Variants in OSMR observed in about 807,000 individuals in gnomAD.
OSMR encodes the protein oncostatin M receptor.
In OSMR, 81 loss-of-function variants were observed where a neutral mutation model predicts 99.9. The observed-to-expected ratio is 0.81, with a 90% CI of 0.68 to 0.97. The LOEUF is 0.97. OSMR is among the 50% of genes least tolerant of loss of function. The probability of loss-of-function intolerance (pLI) is 0.00; values close to 1 mark genes in which losing one functional copy is unlikely to be tolerated. For missense variants in OSMR, 1,099 were observed against 1,153.4 expected (o/e 0.95, Z 0.68); for synonymous variants, 406 against 410.4 (o/e 0.99, Z 0.13).
intron 2 of OSMR, among the ~76,000 whole-genome samples, chr5:38,875,874 C>A (rs967509622): frequency 6.6e-6 from 1 of 152,110 alleles, no homozygotes; most frequent in Non-Finnish European, 1.5e-5. Flanking sequence ...AAAAAGTCTT[C>A]TTTCTTTTTT....
intron 1 of OSMR, chr5:38,941,883 A>G (rs1747608403): frequency 8.6e-6 from 2 of 233,884 alleles, no homozygotes; most frequent in Admixed American, 5.6e-5. Flanking sequence ...GCTTTCCACA[A>G]GTTAGTTAAC....
At chr5:38,921,823 T>G (rs1330081269) in intron 12 of OSMR, 29 bp downstream of exon 12, 1 of 1,556,920 alleles carries the variant, frequency 6.4e-7, no homozygotes, top group Non-Finnish European at 8.9e-7. Flanking sequence ...ATCATCGCAT[T>G]GCTATATTCA....
intron 7 of OSMR, among the ~76,000 whole-genome samples, chr5:38,888,980 A>G (rs1743977065): frequency 6.6e-6 from 1 of 152,064 alleles, no homozygotes; most frequent in African/African-American, 2.4e-5. Flanking sequence ...GAGTATCGTG[A>G]ATTTTATTGT....
chr5:38,889,683 A>G (rs1359099622), intron 7 of OSMR, among the ~76,000 whole-genome samples: 3 of 152,148 alleles, frequency 2.0e-5, no homozygotes, highest in Non-Finnish European at 2.9e-5. Context: ...TATTATCTAT[A>G]TGTGCCTTTG....
chr5:38,880,036 T>A lies in OSMR; in HGVS notation c.247-1557T>A, dbSNP rs545875054. Among the ~76,000 whole-genome samples, 159 of 151,992 alleles carry A rather than the reference T, an allele frequency of 1.0e-3. 3 individuals carry two copies. Among genetic ancestry groups the A allele is most frequent in the African/African-American group, 3.7e-3 (154 of 41,428 alleles). On this transcript the variant is annotated intron_variant, in intron 3 of 17. Transcript: ENST00000274276. ...TCTAGGAGTAAAGTAATGCAAGAAA[T>A]GGAAATAAAATATAAACATTTAAAA...
At chr5:38,917,656 T>G in intron 10 of OSMR, 34 bp downstream of exon 10, 1 of 1,553,784 alleles carries the variant, frequency 6.4e-7, no homozygotes, top group Non-Finnish European at 8.9e-7. Context: ...TCTGATTGTT[T>G]CCAAAAGTCA....
At chr5:38,867,808 A>G (rs1297789588) in intron 1 of OSMR, among the ~76,000 whole-genome samples, 1 of 152,172 alleles carries the variant, frequency 6.6e-6, no homozygotes, top group Non-Finnish European at 1.5e-5. Context: ...CTCACCTCCA[A>G]GTAATTTAAA....
chr5:38,893,741 G>T (rs1229188856), intron 7 of OSMR, among the ~76,000 whole-genome samples: 1 of 152,138 alleles, frequency 6.6e-6, no homozygotes, highest in Non-Finnish European at 1.5e-5. Flanking sequence ...TAATCAATCT[G>T]GGAAACAAAT....
At chr5:38,923,386 G>A (rs1746325324) in intron 13 of OSMR, 132 bp downstream of exon 13, 1 of 658,190 alleles carries the variant, frequency 1.5e-6, no homozygotes, top group Non-Finnish European at 2.7e-6. Context: ...TAGCAATTGG[G>A]TTTTTAAAAT....
intron 7 of OSMR, among the ~76,000 whole-genome samples, chr5:38,896,736 G>T (rs2112489332): frequency 6.6e-6 from 1 of 152,138 alleles, no homozygotes; most frequent in South Asian, 2.1e-4. Context: ...AATCTTAGAG[G>T]ATAGGATTTC....
chr5:38,854,694 ATACT>A, intron 1 of OSMR, among the ~76,000 whole-genome samples: 1 of 152,346 alleles, frequency 6.6e-6, no homozygotes, highest in African/African-American at 2.4e-5. Flanking sequence ...CATTTATCAA[ATACT>A]TACTGAGTAG....
chr5:38,864,256 C>T (rs1183706539), intron 1 of OSMR, among the ~76,000 whole-genome samples: 1 of 151,888 alleles, frequency 6.6e-6, no homozygotes, highest in African/African-American at 2.4e-5. Flanking sequence ...TTCTTTCTCT[C>T]TTATTGTTCA....
At chr5:38,940,143 CAA>C (rs68031684), downstream of OSMR, 17 of 183,124 alleles carry the variant, frequency 9.3e-5, no homozygotes, top group East Asian at 1.6e-4. Flanking sequence ...AAAAAAAAAA[CAA>C]AAAAAAAAAC....
intron 1 of OSMR, among the ~76,000 whole-genome samples, chr5:38,868,618 G>A (rs1244937993): frequency 6.6e-6 from 1 of 152,152 alleles, no homozygotes; most frequent in Non-Finnish European, 1.5e-5. Flanking sequence ...CCATGATTCT[G>A]GGGCCTCCCC....
In OSMR at chr5:38,888,532, A is replaced by G. The variant is rs556010184; in HGVS notation, c.991+2342A>G. On this transcript the variant is annotated intron_variant, in intron 7 of 17. Transcript: ENST00000274276. ...CAAAAACTTCCCAAGGACCCCTTTT[A>G]ACTCCTATAACACTATAGGCACTTA... is the stretch of plus-strand genomic sequence containing the variant. Among the ~76,000 whole-genome samples the G allele has an allele frequency of 2.0e-4, 31 of 152,308 alleles. No individual in the cohort carries two copies. The South Asian group carries it at 6.4e-3, about 32-fold the overall frequency.
intron 1 of OSMR, among the ~76,000 whole-genome samples, chr5:38,847,600 G>A (rs1579601825): frequency 1.3e-5 from 2 of 152,154 alleles, no homozygotes; most frequent in Non-Finnish European, 2.9e-5. Context: ...CTGTGTCTGA[G>A]AATCATTTCT....
chr5:38,896,597 G>A (rs898765521), intron 7 of OSMR, among the ~76,000 whole-genome samples: 1 of 151,992 alleles, frequency 6.6e-6, no homozygotes, highest in African/African-American at 2.4e-5. Flanking sequence ...TGCAGACAAG[G>A]AAAATTTGGC....
intron 7 of OSMR, among the ~76,000 whole-genome samples, chr5:38,896,673 C>G (rs1186801940): frequency 6.6e-6 from 1 of 152,068 alleles, no homozygotes; most frequent in African/African-American, 2.4e-5. Context: ...GCAAGGACTT[C>G]CAGTACTATG....
intron 1 of OSMR, among the ~76,000 whole-genome samples, chr5:38,850,855 C>T (rs575470950): frequency 2.0e-4 from 31 of 152,298 alleles, no homozygotes; most frequent in Admixed American, 1.0e-3. Context: ...AAATTTACTT[C>T]ATATATATAC....
Sources: gnomAD v4.1 joint callset for allele counts (sites outside exome capture counted in the v4.1 genomes callset) on GRCh38, gnomAD v4.1.1 for gene constraint, MANE v1.5 for transcripts, NCBI Gene and HGNC (gene_info 2026-07-23, HGNC 2026-07-21) for gene names.